Variants in RPS6KC1 observed in about 807,000 individuals in gnomAD.
RPS6KC1 encodes the protein inactive ribosomal protein S6 kinase delta-1.
Under a neutral mutation model 103.8 loss-of-function variants are expected in RPS6KC1, and 54 were observed. That is an observed-to-expected ratio of 0.52 (90% CI 0.42 to 0.65). The LOEUF is 0.65. RPS6KC1 is among the 30% of genes least tolerant of loss of function. RPS6KC1 has a pLI of 0.00. For missense variants in RPS6KC1, 1,151 were observed against 1,253.8 expected (o/e 0.92, Z 1.24); for synonymous variants, 439 against 438.7 (o/e 1.00, Z -0.01).
the RPS6KC1 span, among the ~76,000 whole-genome samples, chr1:213,492,145 A>G: frequency 6.6e-6 from 1 of 152,208 alleles, no homozygotes; most frequent in African/African-American, 2.4e-5. Flanking sequence ...CATTGTGTGC[A>G]TAGAGGAGGC....
intron 8 of RPS6KC1, among the ~76,000 whole-genome samples, chr1:213,215,369 G>A (rs1356585456): frequency 6.6e-6 from 1 of 152,194 alleles, no homozygotes; most frequent in Non-Finnish European, 1.5e-5. Flanking sequence ...CAAGAAATGT[G>A]GGACTATGGG....
the RPS6KC1 span, among the ~76,000 whole-genome samples, chr1:213,849,175 A>T: frequency 2.6e-5 from 4 of 152,138 alleles, no homozygotes; most frequent in African/African-American, 9.7e-5. Context: ...AGCTGCTAAG[A>T]AAGTTTGGGT....
the RPS6KC1 span, among the ~76,000 whole-genome samples, chr1:213,536,673 G>T: frequency 6.6e-6 from 1 of 152,182 alleles, no homozygotes; most frequent in Non-Finnish European, 1.5e-5. Flanking sequence ...GGTTGGGTAA[G>T]AACAGATTGA....
chr1:213,611,382 T>C, the RPS6KC1 span, among the ~76,000 whole-genome samples: 1 of 152,240 alleles, frequency 6.6e-6, no homozygotes. Flanking sequence ...CAGGGTAGGC[T>C]CCACATGTGT....
the RPS6KC1 span, among the ~76,000 whole-genome samples, chr1:213,347,939 C>G: frequency 6.6e-6 from 1 of 152,016 alleles, no homozygotes; most frequent in Non-Finnish European, 1.5e-5. Context: ...AAGCATACCC[C>G]AGGAACATCA....
the RPS6KC1 span, among the ~76,000 whole-genome samples, chr1:213,666,894 C>T: frequency 2.0e-5 from 3 of 152,222 alleles, no homozygotes; most frequent in African/African-American, 4.8e-5. Context: ...GGGAGAGGCA[C>T]GTGAGCTGGT....
intron 6 of RPS6KC1, among the ~76,000 whole-genome samples, chr1:213,152,373 G>T (rs1179237726): frequency 6.9e-6 from 1 of 145,054 alleles, no homozygotes; most frequent in African/African-American, 2.5e-5. Context: ...TGATGGGGCG[G>T]GGGGCTGACC....
At chr1:213,806,029 G>C in the RPS6KC1 span, among the ~76,000 whole-genome samples, 10 of 152,144 alleles carry the variant, frequency 6.6e-5, no homozygotes, top group African/African-American at 2.2e-4. Context: ...CTCAACAGTG[G>C]GCCTAAAATA....
At chr1:213,813,634 C>T in the RPS6KC1 span, among the ~76,000 whole-genome samples, 3 of 152,198 alleles carry the variant, frequency 2.0e-5, no homozygotes, top group Admixed American at 2.0e-4. Flanking sequence ...CTCACTGCTA[C>T]TAACACTAAA....
intron 1 of RPS6KC1, among the ~76,000 whole-genome samples, chr1:213,058,543 A>G (rs2077545048): frequency 6.6e-6 from 1 of 151,962 alleles, no homozygotes; most frequent in African/African-American, 2.4e-5. Context: ...CAAGAGACTA[A>G]CCTTTCTTCG....
At chr1:213,677,803 C>T in the RPS6KC1 span, among the ~76,000 whole-genome samples, 7 of 152,120 alleles carry the variant, frequency 4.6e-5, no homozygotes, top group Admixed American at 1.3e-4. Flanking sequence ...ATCAGGAGTT[C>T]GAGACCAGCC....
the RPS6KC1 span, among the ~76,000 whole-genome samples, chr1:213,680,324 C>T: frequency 2.6e-5 from 4 of 152,144 alleles, no homozygotes; most frequent in Non-Finnish European, 4.4e-5. Context: ...GTGAATCAGT[C>T]GATATCCCTC....
At chr1:213,104,703 G>C (rs550817862) in intron 4 of RPS6KC1, 134 bp downstream of exon 4, 1 of 394,858 alleles carries the variant, frequency 2.5e-6, no homozygotes, top group South Asian at 4.5e-5. Flanking sequence ...CTATAATAAT[G>C]TTTATGGCAT....
chr1:213,121,283 C>G (rs758769057), intron 5 of RPS6KC1, among the ~76,000 whole-genome samples: 29 of 151,704 alleles, frequency 1.9e-4, no homozygotes, highest in Non-Finnish European at 3.4e-4. Context: ...ATAGAGAAAC[C>G]CCTTTAAGGT....
the RPS6KC1 span, among the ~76,000 whole-genome samples, chr1:213,441,503 G>A: frequency 6.6e-6 from 1 of 152,162 alleles, no homozygotes; most frequent in Non-Finnish European, 1.5e-5. Context: ...CATTCACATT[G>A]TTGTAAGTGA....
At chr1:213,121,169 A>G (rs1271222894) in intron 5 of RPS6KC1, among the ~76,000 whole-genome samples, 2 of 152,180 alleles carry the variant, frequency 1.3e-5, no homozygotes, top group African/African-American at 4.8e-5. Context: ...CTTAGACGCA[A>G]GTGATTCTCC....
Position 213,156,625 on chromosome 1 carries a change from G to A in RPS6KC1, c.836-11233G>A, listed in dbSNP as rs191690579. ...AAAAGACAATTCATGTATGAACAAA[G>A]ATATGAATGTCATCAGATTTCGTGT... On this transcript the variant is annotated intron_variant, in intron 6 of 14. Transcript: ENST00000366960. 6.8e-4 allele frequency among the ~76,000 whole-genome samples: 103 copies of A among 152,270 alleles called. 1 individual carries two copies. The highest frequency in any genetic ancestry group is 2.3e-3 in the African/African-American group (97 of 41,568).
At chr1:213,333,709 A>C in the RPS6KC1 span, among the ~76,000 whole-genome samples, 1 of 151,988 alleles carries the variant, frequency 6.6e-6, no homozygotes, top group East Asian at 1.9e-4. Flanking sequence ...CCCAGGCTGG[A>C]GTGCAGTGGT....
chr1:213,835,077 G>A, the RPS6KC1 span, among the ~76,000 whole-genome samples: 2 of 152,172 alleles, frequency 1.3e-5, no homozygotes, highest in Non-Finnish European at 2.9e-5. Context: ...TTGAGGTTCA[G>A]GAAAGCCCTC....
Sources: allele counts gnomAD v4.1 joint callset (sites outside exome capture counted in the v4.1 genomes callset), GRCh38; gene constraint gnomAD v4.1.1; transcripts MANE v1.5; gene names NCBI Gene and HGNC (gene_info 2026-07-23, HGNC 2026-07-21).